The following DHX58 variants were observed in gnomAD, a reference collection of about 807,000 sequenced individuals.
DHX58 encodes the protein DExH-box helicase 58.
Under a neutral mutation model 65.0 loss-of-function variants are expected in DHX58, and 51 were observed. The ratio of observed to expected loss-of-function variants is 0.78; its 90% confidence interval spans 0.63 to 0.99. DHX58 has a LOEUF of 0.99. DHX58 is among the 50% of genes least tolerant of loss of function. The pLI, the probability that DHX58 is intolerant of heterozygous loss-of-function variation, is 0.00. For synonymous variants in DHX58, 350 were observed against 365.0 expected (o/e 0.96, Z 0.47); for missense variants, 773 against 891.8 (o/e 0.87, Z 1.70).
intron 6 of DHX58, among the ~76,000 whole-genome samples, chr17:42,108,802 C>A (rs2054104908): frequency 6.6e-6 from 1 of 152,274 alleles, no homozygotes. Flanking sequence ...CTACATTTCA[C>A]CTGCCTATGG....
In DHX58 at chr17:42,107,678, T is replaced by A; in HGVS notation, c.923A>T (p.Asp308Val). 1.9e-6 allele frequency: 3 copies of A among 1,599,788 alleles called. No homozygotes were observed. The highest frequency in any genetic ancestry group is 2.6e-6 in the Non-Finnish European group (3 of 1,171,792). The change falls in exon 8 of 14, where the codon GAT becomes GTT. Residue 308 changes from aspartate to valine, a missense_variant. Asp to Val is a radical substitution (Grantham distance 152, BLOSUM62 -3). Transcript: ENST00000251642. ...AGTGACGTGCTCCCTGTGATAGAAA[T>A]CCTGCAGCGCAGCCAAGGCATCCAC... is the stretch of plus-strand genomic sequence containing the variant. ...RAVDALAALQ[D>V]FYHREHVTKT... is the part of the protein sequence containing the mutation.
chr17:42,103,512 C>A, intron 12 of DHX58, 96 bp downstream of exon 12: 1 of 1,446,986 alleles, frequency 6.9e-7, no homozygotes, highest in Non-Finnish European at 9.4e-7. Flanking sequence ...AAAGTACTTG[C>A]TACAATGCTC....
chr17:42,111,815 C>T lies in DHX58; in HGVS notation c.78G>A (p.Thr26=), dbSNP rs368204636. 254 of 1,613,978 alleles carry T rather than the reference C, an allele frequency of 1.6e-4. No individual in the cohort carries two copies. Among genetic ancestry groups the T allele is most frequent in the Non-Finnish European group, 7.4e-5 (87 of 1,179,996 alleles). Residue 26 remains threonine (T), a synonymous_variant, in exon 3 of 14, where the codon ACG becomes ACA. Transcript: ENST00000251642. ...CAGCCGCCCGGGTCTTCCCGGCACC[C>T]GTGGGCAGCCAGATGATGATATTCT... The part of the protein sequence containing the change: ...EGKNIIIWLP[T]GAGKTRAAAY...
chr17:42,105,758 C>G lies in DHX58; in HGVS notation c.1229G>C (p.Ser410Thr), dbSNP rs199700567. The G allele has an allele frequency of 2.5e-5, 40 of 1,590,502 alleles. No homozygotes were observed. In the Admixed American group the frequency reaches 6.8e-4, roughly 27 times the overall value. Residue 410 changes from serine (S) to threonine (T), a missense_variant, in exon 9 of 14, where the codon AGC (serine) becomes ACC (threonine). Physicochemically the swap from Ser to Thr is moderately conservative, Grantham distance 58. Coordinates refer to ENST00000251642, the MANE Select transcript of DHX58 (RefSeq NM_024119.3). ...CACCTGGGTCATGTGGGTGCTCTGG[C>G]TGCTGTTCCCAGCCCCAATCAGTAG... Reference protein sequence around the residue: ...AQLLIGAGNSSQSTHMTQRDQ... With the variant: ...AQLLIGAGNSTQSTHMTQRDQ...
In DHX58 at chr17:42,111,856, G is replaced by C. The variant is rs782353495; in HGVS notation, c.37C>G (p.Pro13Ala). Reference protein sequence around the residue: ...LRSYQWEVIMPALEGKNIIIW... With the variant: ...LRSYQWEVIMAALEGKNIIIW... ...ATGATATTCTTGCCCTCCAGGGCAG[G>C]CATGATCACCTCCCATTGGTAGGAC... Residue 13 changes from proline (P) to alanine (A), a missense_variant, in exon 3 of 14, where the codon CCT (proline) becomes GCT (alanine). Pro to Ala is a conservative substitution (Grantham distance 27). Coordinates refer to ENST00000251642, the MANE Select transcript of DHX58 (RefSeq NM_024119.3). 3 of 1,613,312 alleles carry C rather than the reference G, an allele frequency of 1.9e-6. No individual in the cohort carries two copies. Among genetic ancestry groups the C allele is most frequent in the Non-Finnish European group, 2.5e-6 (3 of 1,179,572 alleles).
At chr17:42,106,682 CCCAGCTACT>C (rs1555662763) in intron 8 of DHX58, among the ~76,000 whole-genome samples, 29 of 120,400 alleles carry the variant, frequency 2.4e-4, no homozygotes, top group Non-Finnish European at 4.5e-4. Context: ...CACTTGTAGT[CCCAGCTACT>C]CGGGAGGCTG....
At position 42,103,787 on chromosome 17, in the gene DHX58, C is replaced by T. The variant is rs782260886; in HGVS notation, c.1575G>A (p.Leu525=). The change falls in exon 12 of 14, where the codon CTG becomes CTA. Residue 525 remains leucine (L), a synonymous_variant. Transcript: ENST00000251642. ...QAEYQAKIRD[L]QQAALTKRAA... ...CCCGCTTGGTCAAGGCTGCCTGCTGCAGATCCCGGATCTGGGGTGGGAGGA... is the reference window on the plus strand; with the variant it reads ...CCCGCTTGGTCAAGGCTGCCTGCTGTAGATCCCGGATCTGGGGTGGGAGGA... 38 of 1,606,508 alleles carry T rather than the reference C, an allele frequency of 2.4e-5. 2 individuals are homozygous for T. In the South Asian group the frequency reaches 4.1e-4, roughly 17 times the overall value.
chr17:42,111,265 G>C, intron 4 of DHX58, 31 bp downstream of exon 4: 1 of 1,599,710 alleles, frequency 6.3e-7, no homozygotes, highest in South Asian at 1.1e-5. Context: ...CCCCAGATGC[G>C]TATCTTTTTC....
rs2053976400 is a variant in DHX58 at position 42,101,438 on chromosome 17, G to A, written c.*323C>T. 7.9e-6 allele frequency: 2 copies of A among 252,010 alleles called. No individual in the cohort carries two copies. The highest frequency in any genetic ancestry group is 1.6e-4 in the South Asian group (1 of 6,314). The allele number at this position is 252,010 out of a possible 1,614,324, so 15.6% of individuals were successfully genotyped here. On this transcript the variant is annotated 3_prime_UTR_variant, in exon 14 of 14. Coordinates refer to ENST00000251642, the MANE Select transcript of DHX58 (RefSeq NM_024119.3). ...CCATTTTTTCATTTATTTTTATGAGGAGCCTCAAAAAATAGAAGTGGCCTT... is the reference window on the plus strand; with the variant it reads ...CCATTTTTTCATTTATTTTTATGAGAAGCCTCAAAAAATAGAAGTGGCCTT...
Position 42,109,234 on chromosome 17 carries a change from G to A in DHX58, c.678+36C>T, listed in dbSNP as rs116363754. On this transcript the variant is annotated intron_variant, in intron 6 of 13. Coordinates refer to ENST00000251642, the MANE Select transcript of DHX58 (RefSeq NM_024119.3). ...AGCCTAGGTGTCCTAACTTCACACC[G>A]GCTCCCGCTCTCGCCGTGTCCCTGC... The A allele has an allele frequency of 4.1e-4, 642 of 1,578,218 alleles. 2 individuals are homozygous for A. The Middle Eastern group carries it at 4.1e-3, about 10-fold the overall frequency.
At position 42,111,761 on chromosome 17, in the gene DHX58, A is replaced by G; in HGVS notation, c.132T>C (p.Thr44=). 1 of 1,613,812 alleles carries G rather than the reference A, an allele frequency of 6.2e-7. No homozygotes were observed. Among genetic ancestry groups the G allele is most frequent in the Non-Finnish European group, 8.5e-7 (1 of 1,179,812 alleles). The change falls in exon 3 of 14, where the codon ACT becomes ACC. Residue 44 remains threonine (T), a synonymous_variant. Transcript: ENST00000251642. ...ATACAACCACCTTGGCTCCATCCACAGTCTCTAGGTGCCGCTTGGCCACAT... is the reference window on the plus strand; with the variant it reads ...ATACAACCACCTTGGCTCCATCCACGGTCTCTAGGTGCCGCTTGGCCACAT... ...AAYVAKRHLE[T]VDGAKVVVLV...
intron 4 of DHX58, 31 bp downstream of exon 4, chr17:42,111,265 G>A (rs781783638): frequency 1.4e-5 from 22 of 1,599,592 alleles, no homozygotes; most frequent in Admixed American, 5.0e-5. Context: ...CCCCAGATGC[G>A]TATCTTTTTC....
At chr17:42,110,985 C>T (rs2054141529) in intron 4 of DHX58, 72 bp from the exon 5 acceptor site, 3 of 1,471,674 alleles carry the variant, frequency 2.0e-6, no homozygotes, top group South Asian at 1.4e-5. Context: ...TCAAGTAGTC[C>T]CCACAATGAT....
At chr17:42,104,451 C>T (rs2054023249) in intron 11 of DHX58, among the ~76,000 whole-genome samples, 1 of 152,200 alleles carries the variant, frequency 6.6e-6, no homozygotes, top group Admixed American at 6.5e-5. Flanking sequence ...TTATCTTCTG[C>T]ACGTGGACTT....
At chr17:42,102,383 G>A (rs1236848187) in intron 12 of DHX58, 71 bp from the exon 13 acceptor site, 20 of 1,380,648 alleles carry the variant, frequency 1.4e-5, no homozygotes, top group East Asian at 4.6e-5. Context: ...CCCTCCTGCC[G>A]GCCAAGTCTC....
rs782090742 is a variant in DHX58 at position 42,109,357 on chromosome 17, G to A, written c.591C>T (p.Ile197=). ...QLCANLDTWC[I]MSPQNCCPQL... Reference sequence around the variant, plus strand: ...GGGGGCAGCAGTTCTGGGGTGACATGATGCACCACGTGTCCAAGTTGGCAC... The same window carrying A: ...GGGGGCAGCAGTTCTGGGGTGACATAATGCACCACGTGTCCAAGTTGGCAC... Residue 197 remains isoleucine (I), a synonymous_variant, in exon 6 of 14, where the codon ATC becomes ATT. Transcript: ENST00000251642. 4 of 1,613,656 alleles carry A rather than the reference G, an allele frequency of 2.5e-6. No individual in the cohort carries two copies. Among genetic ancestry groups the A allele is most frequent in the South Asian group, 2.2e-5 (2 of 90,872 alleles).
rs782170261 is a variant in DHX58 at position 42,109,342 on chromosome 17, G to C, written c.606C>G (p.Asn202Lys). The C allele has an allele frequency of 1.6e-5, 26 of 1,613,886 alleles. No individual in the cohort carries two copies. Among genetic ancestry groups the C allele is most frequent in the Non-Finnish European group, 2.2e-5 (26 of 1,179,892 alleles). Reference sequence around the variant, plus strand: ...TGTGCTCCTGCAGCTGGGGGCAGCAGTTCTGGGGTGACATGATGCACCACG... The same window carrying C: ...TGTGCTCCTGCAGCTGGGGGCAGCACTTCTGGGGTGACATGATGCACCACG... The part of the protein sequence containing the change: ...LDTWCIMSPQ[N>K]CCPQLQEHSQ... Residue 202 changes from asparagine (N) to lysine (K), a missense_variant, in exon 6 of 14, where the codon AAC (asparagine) becomes AAG (lysine). Physicochemically the swap from Asn to Lys is moderately conservative, Grantham distance 94. Coordinates refer to ENST00000251642, the MANE Select transcript of DHX58 (RefSeq NM_024119.3).
At chr17:42,110,398 G>T (rs1272668406) in intron 5 of DHX58, among the ~76,000 whole-genome samples, 1 of 152,128 alleles carries the variant, frequency 6.6e-6, no homozygotes, top group African/African-American at 2.4e-5. Flanking sequence ...AAATGCAAAG[G>T]TCCCCGAGAT....
intron 3 of DHX58, 70 bp downstream of exon 3, chr17:42,111,655 A>T: frequency 2.5e-6 from 4 of 1,572,704 alleles, no homozygotes; most frequent in Non-Finnish European, 3.5e-6. Context: ...TCTGGTGGGG[A>T]CTGGGAGATG....
Sources: gnomAD v4.1 joint callset for allele counts (sites outside exome capture counted in the v4.1 genomes callset) on GRCh38, gnomAD v4.1.1 for gene constraint, MANE v1.5 for transcripts, NCBI Gene and HGNC (gene_info 2026-07-23, HGNC 2026-07-21) for gene names.